The following CCSER1 variants were observed in gnomAD, a reference collection of about 807,000 sequenced individuals.
CCSER1 encodes coiled-coil serine rich protein 1.
A neutral mutation model predicts 82.0 loss-of-function variants in CCSER1; 41 were observed. The observed-to-expected ratio is 0.50, with a 90% CI of 0.39 to 0.65. The LOEUF is 0.65. Ranked by LOEUF, CCSER1 falls within the 30% of genes least tolerant of loss-of-function variation. The pLI, the probability that CCSER1 is intolerant of heterozygous loss-of-function variation, is 0.00. For synonymous variants in CCSER1, 414 were observed against 383.9 expected, an observed-to-expected ratio of 1.08 and a Z score of -0.92; for missense variants, 1,119 against 1,064.2, an observed-to-expected ratio of 1.05 and a Z score of -0.72.
At chr4:91,033,485 T>C (rs1471697988) in intron 9 of CCSER1, among the ~76,000 whole-genome samples, 2 of 152,158 alleles carry the variant, frequency 1.3e-5, no homozygotes, top group East Asian at 3.9e-4. Flanking sequence ...TATATGTGGG[T>C]GAGACAGCCA....
At chr4:90,334,954 G>A (rs1740102254) in intron 3 of CCSER1, among the ~76,000 whole-genome samples, 1 of 152,088 alleles carries the variant, frequency 6.6e-6, no homozygotes, top group Admixed American at 6.6e-5. Context: ...TGCACATAGG[G>A]TAGTGTGAAA....
chr4:90,243,439 G>A (rs902507534), intron 1 of CCSER1, among the ~76,000 whole-genome samples: 2 of 151,724 alleles, frequency 1.3e-5, no homozygotes, highest in African/African-American at 4.8e-5. Context: ...AGTAGAGATG[G>A]GGTTTCACCA....
chr4:90,996,538 T>C (rs1312187937), intron 9 of CCSER1, among the ~76,000 whole-genome samples: 3 of 152,162 alleles, frequency 2.0e-5, no homozygotes, highest in Non-Finnish European at 2.9e-5. Context: ...TGTATTCTAA[T>C]TGATTAGCTG....
At chr4:91,469,628 T>A (rs1757151128) in intron 10 of CCSER1, among the ~76,000 whole-genome samples, 1 of 152,154 alleles carries the variant, frequency 6.6e-6, no homozygotes, top group Non-Finnish European at 1.5e-5. Flanking sequence ...CTAGGTTGAG[T>A]TAGGTCAAAT....
Position 91,538,698 on chromosome 4 carries a change from C to CATATATTATATAT in CCSER1, c.2218-59868_2218-59867insTATATATATATAT. ...ATATATGATATATATTATATATACACATATATATATATAATATCTCAGTGC... is the reference window on the plus strand; with the variant it reads ...ATATATGATATATATTATATATACACATATATTATATATATATATATATATAATATCTCAGTGC... On this transcript the variant is annotated intron_variant, in intron 10 of 10. Coordinates refer to ENST00000509176, the MANE Select transcript of CCSER1 (RefSeq NM_001145065.2). 3.1e-3 allele frequency among the ~76,000 whole-genome samples: 422 copies of CATATATTATATAT among 138,320 alleles called. 4 individuals carry two copies. Among genetic ancestry groups the CATATATTATATAT allele is most frequent in the African/African-American group, 0.011 (400 of 36,394 alleles). The allele number at this position is 138,320 out of a possible 152,430, so 90.7% of individuals were successfully genotyped here. A position where few individuals can be genotyped will look rare whatever the true frequency, so the allele number is the denominator to read the frequency against.
chr4:90,745,432 C>T (rs1747249418), intron 7 of CCSER1, among the ~76,000 whole-genome samples: 1 of 152,130 alleles, frequency 6.6e-6, no homozygotes, highest in South Asian at 2.1e-4. Context: ...TTTCATTCCC[C>T]TTTGCCATGG....
chr4:90,359,853 G>GTA (rs1386796974), intron 3 of CCSER1, among the ~76,000 whole-genome samples: 3 of 149,412 alleles, frequency 2.0e-5, no homozygotes, highest in Admixed American at 6.7e-5. Flanking sequence ...ATATATGTGT[G>GTA]TATATATATG....
chr4:90,387,533 GCTGA>G (rs941768996), intron 3 of CCSER1, among the ~76,000 whole-genome samples: 39 of 152,280 alleles, frequency 2.6e-4, no homozygotes, highest in African/African-American at 9.1e-4. Flanking sequence ...TAGAGTAGAG[GCTGA>G]CTAAGCCAGA....
rs1561384995 is a variant in CCSER1 at position 90,932,978 on chromosome 4, GAAAGAGAAAGAA to G, written c.2172+9533_2172+9544del. On this transcript the variant is annotated intron_variant, in intron 9 of 10. Transcript: ENST00000509176. ...AGAAAGAAAGAAAGAAAGAAAGAAA[GAAAGAGAAAGAA>G]AGAAAGAAAGAAAGAAAGAAAGAAA... Among the ~76,000 whole-genome samples, 44 of 27,852 alleles carry G rather than the reference GAAAGAGAAAGAA, an allele frequency of 1.6e-3. 3 individuals carry two copies. The highest frequency in any genetic ancestry group is 0.013 in the Middle Eastern group (1 of 76). 18.3% of individuals were successfully genotyped at this position (27,852 alleles called of 152,430 possible).
intron 10 of CCSER1, among the ~76,000 whole-genome samples, chr4:91,360,153 C>T (rs1749155194): frequency 6.6e-6 from 1 of 151,644 alleles, no homozygotes; most frequent in African/African-American, 2.4e-5. Context: ...ATTTAGAAAT[C>T]CTGAGTTTTA....
intron 1 of CCSER1, among the ~76,000 whole-genome samples, chr4:90,174,161 G>T (rs1732243596): frequency 6.6e-6 from 1 of 151,804 alleles, no homozygotes; most frequent in Non-Finnish European, 1.5e-5. Flanking sequence ...TTATTAGAAG[G>T]ATTATGATCT....
chr4:90,263,682 A>G (rs1248967520), intron 1 of CCSER1, among the ~76,000 whole-genome samples: 1 of 152,150 alleles, frequency 6.6e-6, no homozygotes, highest in Non-Finnish European at 1.5e-5. Context: ...ATCAGCTGGC[A>G]CAGAGGCAGT....
At chr4:90,631,114 T>C (rs571419968) in intron 6 of CCSER1, among the ~76,000 whole-genome samples, 3 of 151,936 alleles carry the variant, frequency 2.0e-5, no homozygotes, top group African/African-American at 4.8e-5. Flanking sequence ...AGGATGGTCT[T>C]GATCTCATGA....
At chr4:90,242,609 A>G (rs891470854) in intron 1 of CCSER1, among the ~76,000 whole-genome samples, 1 of 152,238 alleles carries the variant, frequency 6.6e-6, no homozygotes, top group Admixed American at 6.5e-5. Context: ...AGATAACCAC[A>G]AAATGCATCA....
chr4:91,427,006 C>T (rs1754022308), intron 10 of CCSER1, among the ~76,000 whole-genome samples: 1 of 152,110 alleles, frequency 6.6e-6, no homozygotes, highest in Admixed American at 6.6e-5. Context: ...AGTAAGGTGA[C>T]TGTCCTAACA....
intron 9 of CCSER1, among the ~76,000 whole-genome samples, chr4:90,986,850 G>A (rs371570406): frequency 2.4e-4 from 36 of 151,638 alleles, no homozygotes; most frequent in African/African-American, 3.1e-4. Flanking sequence ...CAACGCCTTC[G>A]GAGACCCTGT....
At chr4:90,329,636 A>G (rs1738910124) in intron 3 of CCSER1, among the ~76,000 whole-genome samples, 1 of 152,098 alleles carries the variant, frequency 6.6e-6, no homozygotes, top group South Asian at 2.1e-4. Context: ...ATTTTTTGAA[A>G]AGTCATACAT....
chr4:91,484,748 C>A lies in CCSER1; in HGVS notation c.2218-113824C>A, dbSNP rs532291312. On this transcript the variant is annotated intron_variant, in intron 10 of 10. Transcript: ENST00000509176. Reference sequence around the variant, plus strand: ...AGTAGCATTAGCATCACCTACAAATCTATTAAAAATAAAAATTTGAGGCCC... The same window carrying A: ...AGTAGCATTAGCATCACCTACAAATATATTAAAAATAAAAATTTGAGGCCC... 4.6e-5 allele frequency among the ~76,000 whole-genome samples: 7 copies of A among 152,220 alleles called. No homozygotes were observed. The East Asian group carries it at 1.4e-3, about 29-fold the overall frequency.
At chr4:90,423,157 G>T (rs1255752914) in intron 4 of CCSER1, among the ~76,000 whole-genome samples, 2 of 151,912 alleles carry the variant, frequency 1.3e-5, no homozygotes, top group African/African-American at 4.8e-5. Context: ...TGTAAATAAT[G>T]ATAAAAATAT....
Sources: gnomAD v4.1 joint callset for allele counts (sites outside exome capture counted in the v4.1 genomes callset) on GRCh38, gnomAD v4.1.1 for gene constraint, MANE v1.5 for transcripts, NCBI Gene and HGNC (gene_info 2026-07-23, HGNC 2026-07-21) for gene names.